NRIP1: variants seen among roughly 807,000 people sequenced by gnomAD.
NRIP1 encodes nuclear receptor interacting protein 1.
In NRIP1, 28 loss-of-function variants were observed where a neutral mutation model predicts 75.0. That is an observed-to-expected ratio of 0.37 (90% confidence interval 0.28 to 0.51). The LOEUF (loss-of-function observed/expected upper bound fraction) is 0.51. Among genes scored for constraint, NRIP1 ranks in the 20% least tolerant of loss-of-function variants. The pLI, the probability that NRIP1 is intolerant of heterozygous loss-of-function variation, is 0.92. For missense variants in NRIP1, 1,435 were observed against 1,343.7 expected (o/e 1.07, Z -1.06); for synonymous variants, 526 against 487.6 (o/e 1.08, Z -1.04).
Position 14,968,440 on chromosome 21 carries a change from G to A in NRIP1, c.-248C>T. 2.3e-6 allele frequency: 1 copy of A among 425,814 alleles called. No individual in the cohort carries two copies. Among genetic ancestry groups the A allele is most frequent in the Non-Finnish European group, 4.3e-6 (1 of 231,294 alleles). 26.4% of individuals were successfully genotyped at this position (425,814 alleles called of 1,614,324 possible). A position where few individuals can be genotyped will look rare whatever the true frequency, so the allele number is the denominator to read the frequency against. ...GAAGAATTCCTTAACACATAGGTCT[G>A]TAGCAGTAAGCAGATAGAATCCTTA... On this transcript the variant is annotated 5_prime_UTR_variant, in exon 4 of 4. Coordinates refer to ENST00000318948, the MANE Select transcript of NRIP1 (RefSeq NM_003489.4).
In NRIP1 at chr21:14,966,114, A is replaced by G; in HGVS notation, c.2079T>C (p.Gly693=). Residue 693 remains glycine (G), a synonymous_variant, in exon 4 of 4, where the codon GGT becomes GGC. Coordinates refer to ENST00000318948, the MANE Select transcript of NRIP1 (RefSeq NM_003489.4). Reference sequence around the variant, plus strand: ...CAGAACCAGAAAGCCCTGGTTCAGGACCTGTTGGTTGACTACTAAATGCTT... The same window carrying G: ...CAGAACCAGAAAGCCCTGGTTCAGGGCCTGTTGGTTGACTACTAAATGCTT... ...ENKAFSSQPT[G]PEPGLSGSEI... is the part of the protein sequence containing the mutation. The G allele has an allele frequency of 6.2e-7, 1 of 1,612,426 alleles. No homozygotes were observed. The highest frequency in any genetic ancestry group is 8.5e-7 in the Non-Finnish European group (1 of 1,179,954).
Position 14,961,660 on chromosome 21 carries a change from T to C in NRIP1, c.*3056A>G, listed in dbSNP as rs2086592944. ...CATGTCCAGAAATGGAATACTGTCA[T>C]GTTAGGATGAACATCTGATCTGATT... is the stretch of plus-strand genomic sequence containing the variant. On this transcript the variant is annotated 3_prime_UTR_variant, in exon 4 of 4. Transcript: ENST00000318948. 6.6e-6 allele frequency: 1 copy of C among 152,468 alleles called. No individual in the cohort carries two copies. Among genetic ancestry groups the C allele is most frequent in the Non-Finnish European group, 1.5e-5 (1 of 67,920 alleles). The allele number at this position is 152,468 out of a possible 1,614,324, so 9.4% of individuals were successfully genotyped here. A position where few individuals can be genotyped will look rare whatever the true frequency, so the allele number is the denominator to read the frequency against.
At chr21:15,024,844 T>A (rs1568988540) in intron 2 of NRIP1, among the ~76,000 whole-genome samples, 4 of 152,180 alleles carry the variant, frequency 2.6e-5, no homozygotes. Context: ...GTTTTAAGTA[T>A]ATAATGTACG....
intron 2 of NRIP1, among the ~76,000 whole-genome samples, chr21:15,042,329 G>C (rs1482036560): frequency 3.3e-5 from 5 of 152,130 alleles, no homozygotes; most frequent in Admixed American, 3.3e-4. Flanking sequence ...AAGTTTTTGA[G>C]AAGGAAAACA....
chr21:14,997,602 G>A (rs973365101), intron 3 of NRIP1, among the ~76,000 whole-genome samples: 12 of 151,550 alleles, frequency 7.9e-5, no homozygotes, highest in Admixed American at 5.9e-4. Flanking sequence ...AAAAAAATAC[G>A]TCAGTAGAAG....
chr21:14,969,055 C>G (rs2086836116), intron 3 of NRIP1, among the ~76,000 whole-genome samples: 1 of 152,158 alleles, frequency 6.6e-6, no homozygotes, highest in South Asian at 2.1e-4. Flanking sequence ...CCAGACATTC[C>G]ATAAGTAATT....
At chr21:14,992,198 T>G (rs2087591501) in intron 3 of NRIP1, 1 of 152,136 alleles carries the variant, frequency 6.6e-6, no homozygotes, top group Admixed American at 6.6e-5. Context: ...GCCACCATGC[T>G]TGGCTAATTT....
intron 3 of NRIP1, among the ~76,000 whole-genome samples, chr21:15,000,988 A>G (rs556773539): frequency 6.6e-6 from 1 of 152,180 alleles, no homozygotes; most frequent in East Asian, 1.9e-4. Flanking sequence ...TCACTTGGTC[A>G]TTTTCTATAA....
At chr21:15,020,083 C>T (rs1177208571) in intron 2 of NRIP1, among the ~76,000 whole-genome samples, 1 of 151,760 alleles carries the variant, frequency 6.6e-6, no homozygotes, top group Non-Finnish European at 1.5e-5. Context: ...TAAATGCCAT[C>T]GTAATCTTTT....
rs1255207028 is a variant in NRIP1 at position 14,961,801 on chromosome 21, A to G, written c.*2915T>C. ...TTCTATACATTTGTCCAGACTTGCAACTGTATACATACATGCACAACTTTT... is the reference window on the plus strand; with the variant it reads ...TTCTATACATTTGTCCAGACTTGCAGCTGTATACATACATGCACAACTTTT... On this transcript the variant is annotated 3_prime_UTR_variant, in exon 4 of 4. Coordinates refer to ENST00000318948, the MANE Select transcript of NRIP1 (RefSeq NM_003489.4). The G allele has an allele frequency of 6.6e-6, 1 of 152,270 alleles. No homozygotes were observed. The highest frequency in any genetic ancestry group is 2.4e-5 in the African/African-American group (1 of 41,408). The allele number at this position is 152,270 out of a possible 1,614,324, so 9.4% of individuals were successfully genotyped here.
At chr21:14,989,394 A>C (rs1385837064) in intron 3 of NRIP1, among the ~76,000 whole-genome samples, 1 of 152,206 alleles carries the variant, frequency 6.6e-6, no homozygotes, top group Non-Finnish European at 1.5e-5. Context: ...TAACCAATAA[A>C]CCAACTGCCT....
intron 3 of NRIP1, chr21:14,971,338 G>A (rs565029360): frequency 4.9e-4 from 74 of 152,242 alleles, no homozygotes; most frequent in African/African-American, 1.2e-3. Flanking sequence ...ATATATAGAT[G>A]AGATACTAAA....
intron 1 of NRIP1, chr21:15,052,287 C>G (rs1168922539): frequency 1.3e-5 from 2 of 152,084 alleles, no homozygotes; most frequent in East Asian, 3.9e-4. Flanking sequence ...GTTAAACCAC[C>G]CGGAAGTATG....
chr21:15,007,422 T>C (rs1347917502), intron 3 of NRIP1, among the ~76,000 whole-genome samples: 1 of 152,206 alleles, frequency 6.6e-6, no homozygotes, highest in African/African-American at 2.4e-5. Flanking sequence ...GCAACTTTAT[T>C]GAATCAAAGA....
In NRIP1 at chr21:15,055,096, T is replaced by A. The variant is rs373027806; in HGVS notation, c.-538+9649A>T. On this transcript the variant is annotated intron_variant, in intron 1 of 3. Transcript: ENST00000318948. ...GGGGTGTAGACCAACGTGCACTTGG[T>A]TCATGGCACATTATCACCACTGGTC... Among the ~76,000 whole-genome samples the A allele has an allele frequency of 2.0e-5, 3 of 152,314 alleles. No individual in the cohort carries two copies. The East Asian group carries it at 5.8e-4, about 29-fold the overall frequency.
At chr21:15,044,899 G>A (rs2089036804) in intron 1 of NRIP1, among the ~76,000 whole-genome samples, 1 of 152,066 alleles carries the variant, frequency 6.6e-6, no homozygotes, top group South Asian at 2.1e-4. Context: ...TATACAGCTG[G>A]TACTCAGTAA....
chr21:14,997,000 T>G (rs1431350878), intron 3 of NRIP1, among the ~76,000 whole-genome samples: 2 of 152,094 alleles, frequency 1.3e-5, no homozygotes, highest in African/African-American at 2.4e-5. Flanking sequence ...TCACTTAAAC[T>G]CAAATCAAAT....
At chr21:15,062,153 C>T (rs1481689470) in intron 1 of NRIP1, among the ~76,000 whole-genome samples, 3 of 152,206 alleles carry the variant, frequency 2.0e-5, no homozygotes, top group Non-Finnish European at 4.4e-5. Flanking sequence ...ATTACTTCCT[C>T]CATGGACAAT....
chr21:15,043,268 A>G (rs1255454869), intron 2 of NRIP1, among the ~76,000 whole-genome samples: 1 of 152,250 alleles, frequency 6.6e-6, no homozygotes, highest in African/African-American at 2.4e-5. Context: ...AGTGTTTAAA[A>G]TAGGTAAAAC....
Sources: gnomAD v4.1 joint callset for allele counts (sites outside exome capture counted in the v4.1 genomes callset) on GRCh38, gnomAD v4.1.1 for gene constraint, MANE v1.5 for transcripts, NCBI Gene and HGNC (gene_info 2026-07-23, HGNC 2026-07-21) for gene names.